Variants in DLG2 observed in about 807,000 individuals in gnomAD.
DLG2 encodes the protein disks large homolog 2.
Under a neutral mutation model 132.5 loss-of-function variants are expected in DLG2, and 45 were observed. The observed-to-expected ratio is 0.34, with a 90% CI of 0.27 to 0.44. The LOEUF (loss-of-function observed/expected upper bound fraction) is 0.44. Ranked by LOEUF, DLG2 falls within the 20% of genes least tolerant of loss-of-function variation. The pLI is 1.00. For missense variants in DLG2, 1,045 were observed against 1,196.9 expected (o/e 0.87, Z 1.87); for synonymous variants, 424 against 419.6 (o/e 1.01, Z -0.13).
At chr11:84,276,578 CCCA>C (rs1447360055) in intron 7 of DLG2, among the ~76,000 whole-genome samples, 2 of 152,192 alleles carry the variant, frequency 1.3e-5, no homozygotes, top group Non-Finnish European at 2.9e-5. Flanking sequence ...ACTGTCTCTG[CCCA>C]CAAGTGGAGC....
At chr11:83,807,840 G>T (rs565232260) in intron 17 of DLG2, among the ~76,000 whole-genome samples, 1 of 152,226 alleles carries the variant, frequency 6.6e-6, no homozygotes, top group Admixed American at 6.5e-5. Context: ...TAGATGCTTC[G>T]AAAGTAGCAG....
At chr11:84,764,209 G>T (rs1470436957) in intron 6 of DLG2, among the ~76,000 whole-genome samples, 1 of 152,088 alleles carries the variant, frequency 6.6e-6, no homozygotes, top group Non-Finnish European at 1.5e-5. Context: ...TCTTGATAGT[G>T]TGTGGCAGCT....
chr11:85,084,883 G>A (rs527244319), intron 6 of DLG2, among the ~76,000 whole-genome samples: 12 of 152,076 alleles, frequency 7.9e-5, no homozygotes, highest in South Asian at 2.1e-4. Context: ...GAGAAAGCAC[G>A]AGTTTCTCAA....
In DLG2 at chr11:85,504,620, G is replaced by T. The variant is rs1433909411; in HGVS notation, c.40+94037C>A. 6.6e-5 allele frequency among the ~76,000 whole-genome samples: 10 copies of T among 152,152 alleles called. No individual in the cohort carries two copies. The East Asian group carries it at 1.9e-3, about 29-fold the overall frequency. On this transcript the variant is annotated intron_variant, in intron 3 of 27. Transcript: ENST00000376104. The stretch of plus-strand genomic sequence containing the variant: ...ATGCTGTTTTGGTTACTGCAGCCTT[G>T]TAGTATAGTTTGAAGTCAGGTAGCG...
At chr11:85,030,816 T>C (rs1002233995) in intron 6 of DLG2, among the ~76,000 whole-genome samples, 3 of 152,156 alleles carry the variant, frequency 2.0e-5, no homozygotes, top group South Asian at 2.1e-4. Context: ...TGATTCATTT[T>C]ATTGTTCCTT....
At chr11:84,731,242 T>TCTCC (rs1408820173) in intron 6 of DLG2, among the ~76,000 whole-genome samples, 1 of 152,044 alleles carries the variant, frequency 6.6e-6, no homozygotes, top group Admixed American at 6.6e-5. Flanking sequence ...ATTAACTTTA[T>TCTCC]CTCCCCCTTT....
intron 6 of DLG2, among the ~76,000 whole-genome samples, chr11:84,801,535 TG>T (rs1449826575): frequency 6.6e-6 from 1 of 152,190 alleles, no homozygotes; most frequent in Non-Finnish European, 1.5e-5. Flanking sequence ...CACTCCACCC[TG>T]GGAGACAGAG....
intron 4 of DLG2, among the ~76,000 whole-genome samples, chr11:85,225,350 G>T (rs768018029): frequency 6.6e-6 from 1 of 151,950 alleles, no homozygotes; most frequent in Non-Finnish European, 1.5e-5. Flanking sequence ...TCATCTCTCC[G>T]CAGATGACCT....
chr11:84,417,895 T>A (rs12275021), intron 7 of DLG2, among the ~76,000 whole-genome samples: 2 of 152,072 alleles, frequency 1.3e-5, no homozygotes, highest in African/African-American at 2.4e-5. Flanking sequence ...CACCTGGGAA[T>A]GGACTTCCTA....
In DLG2 at chr11:85,304,458, T is replaced by C. The variant is rs529482558; in HGVS notation, c.41-19093A>G. ...CTAACTGAAGGTCCAAGAATTTTAA[T>C]TAACAAAATTCAATATTTTTGAAAA... On this transcript the variant is annotated intron_variant, in intron 3 of 27. Transcript: ENST00000376104. 4.6e-5 allele frequency among the ~76,000 whole-genome samples: 7 copies of C among 152,170 alleles called. No individual in the cohort carries two copies. The South Asian group carries it at 1.5e-3, about 32-fold the overall frequency.
intron 7 of DLG2, among the ~76,000 whole-genome samples, chr11:84,358,384 T>A (rs921268882): frequency 6.6e-6 from 1 of 150,826 alleles, no homozygotes; most frequent in East Asian, 2.0e-4. Flanking sequence ...TTTTTTTTTT[T>A]AGAGCTGAGA....
chr11:84,409,122 AC>A (rs2098881250), intron 7 of DLG2, among the ~76,000 whole-genome samples: 1 of 152,256 alleles, frequency 6.6e-6, no homozygotes, highest in East Asian at 1.9e-4. Flanking sequence ...AATTCCTTGC[AC>A]TTCCCCCCAA....
At chr11:84,813,658 C>T (rs2076809548) in intron 6 of DLG2, among the ~76,000 whole-genome samples, 1 of 152,096 alleles carries the variant, frequency 6.6e-6, no homozygotes, top group African/African-American at 2.4e-5. Context: ...CAACCCCAGG[C>T]AGGTCTCAGA....
chr11:83,789,884 G>T (rs1368985260), intron 17 of DLG2: 2 of 627,372 alleles, frequency 3.2e-6, no homozygotes, highest in East Asian at 3.4e-5. Flanking sequence ...GGCAGCAAAA[G>T]ATTTTGATGG....
rs544751315 is a variant in DLG2 at position 84,266,399 on chromosome 11, G to C, written c.520-15108C>G. Among the ~76,000 whole-genome samples the C allele has an allele frequency of 2.0e-5, 3 of 152,232 alleles. No homozygotes were observed. The East Asian group carries it at 5.8e-4, about 29-fold the overall frequency. On this transcript the variant is annotated intron_variant, in intron 7 of 27. Coordinates refer to ENST00000376104, the MANE Select transcript of DLG2 (RefSeq NM_001142699.3). ...CGCTTCTGGTGTAGTTCCCCTCTCT[G>C]CCTTAAATTGAACATCTCCATAGAT...
intron 6 of DLG2, among the ~76,000 whole-genome samples, chr11:84,907,737 T>C (rs553910647): frequency 6.6e-6 from 1 of 152,160 alleles, no homozygotes; most frequent in South Asian, 2.1e-4. Flanking sequence ...CAAGAAAACC[T>C]GTCTGCACCC....
chr11:84,099,436 AT>A (rs2092206893), intron 9 of DLG2, among the ~76,000 whole-genome samples: 1 of 152,070 alleles, frequency 6.6e-6, no homozygotes, highest in Non-Finnish European at 1.5e-5. Flanking sequence ...AAAGAATTTG[AT>A]TTAATAGAAG....
At chr11:83,597,479 A>G (rs1006874538) in intron 19 of DLG2, among the ~76,000 whole-genome samples, 3 of 152,150 alleles carry the variant, frequency 2.0e-5, no homozygotes, top group Non-Finnish European at 4.4e-5. Flanking sequence ...CTTTAGCCCA[A>G]AAGTTTGAGA....
At chr11:85,604,726 G>A (rs2080406145) in intron 2 of DLG2, among the ~76,000 whole-genome samples, 1 of 152,074 alleles carries the variant, frequency 6.6e-6, no homozygotes, top group African/African-American at 2.4e-5. Flanking sequence ...AGAAATTTTT[G>A]CATGAAATAT....
Sources: allele counts gnomAD v4.1 joint callset (sites outside exome capture counted in the v4.1 genomes callset), GRCh38; gene constraint gnomAD v4.1.1; transcripts MANE v1.5; gene names NCBI Gene and HGNC (gene_info 2026-07-23, HGNC 2026-07-21).